Variants in TRPV1 observed in about 807,000 individuals in gnomAD.
The protein encoded by TRPV1 is OTRPC1.
In TRPV1, 82 loss-of-function variants were observed where a neutral mutation model predicts 82.3. The observed-to-expected ratio is 1.00, with a 90% confidence interval of 0.83 to 1.20. The LOEUF is 1.20. Among genes scored for constraint, TRPV1 ranks in the 50% most tolerant of loss-of-function variants. The pLI, the probability that TRPV1 is intolerant of heterozygous loss-of-function variation, is 0.00. For missense variants in TRPV1, 1,067 were observed against 1,096.8 expected (o/e 0.97, Z 0.38); for synonymous variants, 515 against 467.7 (o/e 1.10, Z -1.30).
chr17:3,579,473 A>G (rs1406793395), intron 11 of TRPV1, among the ~76,000 whole-genome samples: 1 of 151,912 alleles, frequency 6.6e-6, no homozygotes, highest in African/African-American at 2.4e-5. Context: ...CCACATCCAC[A>G]ATGTTCTATT....
In TRPV1 at chr17:3,593,940, C is replaced by A. The variant is rs2075191768; in HGVS notation, c.-33-1557G>T. Reference sequence around the variant, plus strand: ...AGGAGTTCGAGACCAGCCTGGCCAACATGGTGAAATCCCATCTCTACTAAA... The same window carrying A: ...AGGAGTTCGAGACCAGCCTGGCCAAAATGGTGAAATCCCATCTCTACTAAA... On this transcript the variant is annotated intron_variant, in intron 2 of 16. Coordinates refer to ENST00000572705, the MANE Select transcript of TRPV1 (RefSeq NM_080704.4). Among the ~76,000 whole-genome samples, 3 of 151,888 alleles carry A rather than the reference C, an allele frequency of 2.0e-5. No homozygotes were observed. The South Asian group carries it at 6.2e-4, about 31-fold the overall frequency.
chr17:3,602,043 G>A (rs1038619941), intron 2 of TRPV1: 6 of 152,268 alleles, frequency 3.9e-5, no homozygotes, highest in Admixed American at 2.6e-4. Flanking sequence ...GTTGGCATGA[G>A]CACTTTATAT....
rs769700581 is a variant in TRPV1 at position 3,591,327 on chromosome 17, G to A, written c.311C>T (p.Ala104Val). The A allele has an allele frequency of 6.9e-6, 11 of 1,594,816 alleles. No individual in the cohort carries two copies. The highest frequency in any genetic ancestry group is 9.4e-6 in the Non-Finnish European group (11 of 1,172,302). ...GAGCCTGAGGGTCTTCTCGGTGCTG[G>A]CGGCGACAGAGTCCTGGGACAGCAG... ...ARLLSQDSVA[A>V]STEKTLRLYD... is the part of the protein sequence containing the mutation. The change falls in exon 4 of 17, where the codon GCC (alanine) becomes GTC (valine). Residue 104 changes from alanine to valine, a missense_variant. By Grantham distance (64) the Ala-to-Val change is moderately conservative (BLOSUM62 0). Coordinates refer to ENST00000572705, the MANE Select transcript of TRPV1 (RefSeq NM_080704.4).
At chr17:3,602,686 G>C (rs1441204310) in intron 2 of TRPV1, among the ~76,000 whole-genome samples, 1 of 152,198 alleles carries the variant, frequency 6.6e-6, no homozygotes, top group Non-Finnish European at 1.5e-5. Flanking sequence ...CACCGCCACC[G>C]TCGCTAATGG....
At position 3,568,119 on chromosome 17, in the gene TRPV1, G is replaced by A. The variant is rs567267076; in HGVS notation, c.2348-1132C>T. 8.5e-5 allele frequency among the ~76,000 whole-genome samples: 13 copies of A among 152,140 alleles called. No homozygotes were observed. The South Asian group carries it at 2.1e-3, about 24-fold the overall frequency. Reference sequence around the variant, plus strand: ...GGGCGGATCACGAGGTCAGGAGATCGAGACCATCCTGGCTAACATGGTGAA... The same window carrying A: ...GGGCGGATCACGAGGTCAGGAGATCAAGACCATCCTGGCTAACATGGTGAA... On this transcript the variant is annotated intron_variant, in intron 16 of 16. Coordinates refer to ENST00000572705, the MANE Select transcript of TRPV1 (RefSeq NM_080704.4).
chr17:3,574,607 G>A (rs185844367), intron 13 of TRPV1, among the ~76,000 whole-genome samples: 19 of 152,326 alleles, frequency 1.2e-4, no homozygotes, highest in African/African-American at 1.9e-4. Flanking sequence ...TGTGAACCAC[G>A]TAACTGTGGG....
At chr17:3,583,111 GTC>G (rs2075042159) in intron 10 of TRPV1, among the ~76,000 whole-genome samples, 1 of 152,164 alleles carries the variant, frequency 6.6e-6, no homozygotes, top group African/African-American at 2.4e-5. Context: ...TGGCTGGAGT[GTC>G]TACTTTCAAG....
chr17:3,593,065 G>A (rs2075180365), intron 2 of TRPV1, among the ~76,000 whole-genome samples: 1 of 150,004 alleles, frequency 6.7e-6, no homozygotes, highest in Non-Finnish European at 1.5e-5. Context: ...AAGCATCCTG[G>A]CCTTGAATGT....
intron 13 of TRPV1, among the ~76,000 whole-genome samples, chr17:3,574,598 G>A (rs982350784): frequency 1.3e-5 from 2 of 152,214 alleles, no homozygotes; most frequent in African/African-American, 2.4e-5. Flanking sequence ...GGTGCACCAT[G>A]TGAACCACGT....
rs551219633 is a variant in TRPV1, at chr17:3,577,910, G to C, written c.1548-147C>G. 5.8e-4 allele frequency: 412 copies of C among 709,026 alleles called. 2 individuals are homozygous for C. The highest frequency in any genetic ancestry group is 1.2e-3 in the Middle Eastern group (3 of 2,512). The allele number at this position is 709,026 out of a possible 1,614,324, so 43.9% of individuals were successfully genotyped here. ...GGCTGTCCTGACTCTTTCAGCCCAG[G>C]CGTTCTCCGTGGAAGCAGCATCGTC... On this transcript the variant is annotated intron_variant, in intron 11 of 16. Transcript: ENST00000572705.
At chr17:3,590,590 C>A (rs2075144814) in intron 5 of TRPV1, among the ~76,000 whole-genome samples, 198 bp from the exon 6 acceptor site, 1 of 152,126 alleles carries the variant, frequency 6.6e-6, no homozygotes, top group Admixed American at 6.5e-5. Context: ...ACAGGAGACC[C>A]CTGGGAACAG....
rs756322247 is a variant in TRPV1 at position 3,577,092 on chromosome 17, C to T, written c.1780+34G>A. 29 of 1,561,514 alleles carry T rather than the reference C, an allele frequency of 1.9e-5. 1 individual carries two copies. The South Asian group carries it at 3.2e-4, about 17-fold the overall frequency. On this transcript the variant is annotated intron_variant, in intron 13 of 16. Coordinates refer to ENST00000572705, the MANE Select transcript of TRPV1 (RefSeq NM_080704.4). ...TCAGAAGGCTCAGCCAAGCAGGACC[C>T]CTGCCCTCCCCCAGCGCTGACCAAG...
At chr17:3,605,521 A>AG (rs1332956996) in intron 2 of TRPV1, among the ~76,000 whole-genome samples, 2 of 151,864 alleles carry the variant, frequency 1.3e-5, no homozygotes, top group African/African-American at 4.8e-5. Flanking sequence ...AAAAAAAAAA[A>AG]GATTCAATGA....
rs563093558 is a variant in TRPV1, at chr17:3,586,478, A to G, written c.1225-552T>C. Reference sequence around the variant, plus strand: ...ATGTCTCATATCCAGAGACTTTGATAAAGTTCAAATAGGCCGGGTGTAGTG... The same window carrying G: ...ATGTCTCATATCCAGAGACTTTGATGAAGTTCAAATAGGCCGGGTGTAGTG... On this transcript the variant is annotated intron_variant, in intron 8 of 16. Coordinates refer to ENST00000572705, the MANE Select transcript of TRPV1 (RefSeq NM_080704.4). Among the ~76,000 whole-genome samples, 12 of 152,382 alleles carry G rather than the reference A, an allele frequency of 7.9e-5. No individual in the cohort carries two copies. In the East Asian group the frequency reaches 2.3e-3, roughly 29 times the overall value.
At chr17:3,582,213 A>AAAAAAAAAAAAAAAAG (rs1160641204) in intron 10 of TRPV1, among the ~76,000 whole-genome samples, 1 of 147,832 alleles carries the variant, frequency 6.8e-6, no homozygotes, top group Admixed American at 6.8e-5. Flanking sequence ...AAAAAAAAAA[A>AAAAAAAAAAAAAAAAG]ATCACAGTGG....
intron 10 of TRPV1, among the ~76,000 whole-genome samples, chr17:3,582,034 C>CAA (rs755255317): frequency 1.5e-5 from 2 of 130,234 alleles, no homozygotes; most frequent in Non-Finnish European, 3.3e-5. Flanking sequence ...ACTAAAAATA[C>CAA]AAAAAATTAG....
intron 5 of TRPV1, 135 bp from the exon 6 acceptor site, chr17:3,590,527 C>A (rs1260297493): frequency 5.9e-6 from 8 of 1,364,608 alleles, no homozygotes; most frequent in South Asian, 2.9e-5. Context: ...AGGACCCCCC[C>A]ACTGCAGGAG....
chr17:3,574,612 T>C (rs1394413994), intron 13 of TRPV1, among the ~76,000 whole-genome samples: 1 of 152,134 alleles, frequency 6.6e-6, no homozygotes, highest in East Asian at 1.9e-4. Context: ...ACCACGTAAC[T>C]GTGGGACTCG....
At chr17:3,604,270 C>A (rs2075283176) in intron 2 of TRPV1, among the ~76,000 whole-genome samples, 1 of 152,206 alleles carries the variant, frequency 6.6e-6, no homozygotes, top group Non-Finnish European at 1.5e-5. Flanking sequence ...ACCTAGGCAC[C>A]TGCTCTCAAA....
Sources: gnomAD v4.1 joint callset for allele counts (sites outside exome capture counted in the v4.1 genomes callset) on GRCh38, gnomAD v4.1.1 for gene constraint, MANE v1.5 for transcripts, NCBI Gene and HGNC (gene_info 2026-07-23, HGNC 2026-07-21) for gene names.